Variants in HAPLN2 observed in about 807,000 individuals in gnomAD.
HAPLN2 encodes brain link protein-1.
Under a neutral mutation model 29.3 loss-of-function variants are expected in HAPLN2, and 27 were observed. The observed-to-expected ratio is 0.92, with a 90% CI of 0.68 to 1.27. HAPLN2 has a LOEUF of 1.27. Among genes scored for constraint, HAPLN2 ranks in the 50% most tolerant of loss-of-function variants. The pLI is 0.00. For missense variants in HAPLN2, 454 were observed against 484.3 expected (o/e 0.94, Z 0.59); for synonymous variants, 208 against 211.7 (o/e 0.98, Z 0.15).
chr1:156,610,347 A>T, the HAPLN2 span, among the ~76,000 whole-genome samples: 1 of 152,144 alleles, frequency 6.6e-6, no homozygotes. Flanking sequence ...GTGGAAAAGC[A>T]AAGTAGGAGG....
At chr1:156,605,598 CAAAAA>C in the HAPLN2 span, among the ~76,000 whole-genome samples, 6 of 63,852 alleles carry the variant, frequency 9.4e-5, no homozygotes, top group African/African-American at 4.3e-4. Context: ...GACTTGGTCT[CAAAAA>C]AAAAAAAAAA....
At chr1:156,613,611 C>A in the HAPLN2 span, among the ~76,000 whole-genome samples, 1 of 152,024 alleles carries the variant, frequency 6.6e-6, no homozygotes, top group Admixed American at 6.6e-5. Flanking sequence ...GAGTGTCAAG[C>A]AAACTTATTA....
At chr1:156,606,423 TAAAAAAAAAAAAAA>T in the HAPLN2 span, among the ~76,000 whole-genome samples, 2 of 49,482 alleles carry the variant, frequency 4.0e-5, no homozygotes, top group African/African-American at 7.3e-5. Flanking sequence ...AGACTCTGTC[TAAAAAAAAAAAAAA>T]AAAAAAAAAA....
chr1:156,608,676 G>A, the HAPLN2 span, among the ~76,000 whole-genome samples: 1 of 152,152 alleles, frequency 6.6e-6, no homozygotes, highest in South Asian at 2.1e-4. Flanking sequence ...CCGAGCAGCT[G>A]GGATTATAGG....
chr1:156,624,932 A>G lies in HAPLN2; in HGVS notation c.739+149A>G, dbSNP rs1678398835. On this transcript the variant is annotated intron_variant, in intron 6 of 6. Transcript: ENST00000255039. ...CAGCCCGCCCGCCCGCCCAGGCTCCAGCTCACCTCTCCAAACCCTCCCTGC... is the reference window on the plus strand; with the variant it reads ...CAGCCCGCCCGCCCGCCCAGGCTCCGGCTCACCTCTCCAAACCCTCCCTGC... 2.9e-5 allele frequency: 6 copies of G among 206,782 alleles called. No individual in the cohort carries two copies. The Admixed American group carries it at 2.5e-3, about 85-fold the overall frequency. The allele number at this position is 206,782 out of a possible 1,614,324, so 12.8% of individuals were successfully genotyped here. A position where few individuals can be genotyped will look rare whatever the true frequency, so the allele number is the denominator to read the frequency against.
At position 156,624,736 on chromosome 1, in the gene HAPLN2, G is replaced by C. The variant is rs867961092; in HGVS notation, c.692G>C (p.Arg231Pro). ...ATCCGCAGCTACGGACCCCGCGACC[G>C]GATGCGCGACCGCTACGACGCCTTC... ...PGIRSYGPRD[R>P]MRDRYDAFCF... Residue 231 changes from arginine to proline, a missense_variant, in exon 6 of 7, where the codon CGG (arginine) becomes CCG (proline). By Grantham distance (103) the Arg-to-Pro change is moderately radical. Coordinates refer to ENST00000255039, the MANE Select transcript of HAPLN2 (RefSeq NM_021817.3). 8 of 1,559,346 alleles carry C rather than the reference G, an allele frequency of 5.1e-6. No individual in the cohort carries two copies. In the African/African-American group the frequency reaches 1.1e-4, roughly 21 times the overall value.
upstream of HAPLN2, among the ~76,000 whole-genome samples, chr1:156,618,271 A>T (rs1571413747): frequency 7.1e-6 from 1 of 141,656 alleles, no homozygotes; most frequent in African/African-American, 2.7e-5. Flanking sequence ...GCGCCACTGC[A>T]CTCCAGCCTG....
chr1:156,605,511 A>G, the HAPLN2 span, among the ~76,000 whole-genome samples: 7 of 143,228 alleles, frequency 4.9e-5, no homozygotes, highest in South Asian at 6.8e-4. Context: ...GGGCAGGAGA[A>G]TCTCTTGAAC....
the HAPLN2 span, among the ~76,000 whole-genome samples, chr1:156,607,130 C>T: frequency 6.6e-6 from 1 of 152,174 alleles, no homozygotes; most frequent in South Asian, 2.1e-4. Flanking sequence ...TGACAAGTGT[C>T]ATCGAATAAT....
chr1:156,623,476 G>A lies in HAPLN2; in HGVS notation c.-15G>A. On this transcript the variant is annotated 5_prime_UTR_variant, in exon 3 of 7. Transcript: ENST00000255039. Reference sequence around the variant, plus strand: ...TCTTTGTGCCCTGCAGACGGTGCCGGGCTGACCCCCCATCATGCCAGGCTG... The same window carrying A: ...TCTTTGTGCCCTGCAGACGGTGCCGAGCTGACCCCCCATCATGCCAGGCTG... 6.2e-7 allele frequency: 1 copy of A among 1,613,720 alleles called. No homozygotes were observed. The highest frequency in any genetic ancestry group is 8.5e-7 in the Non-Finnish European group (1 of 1,179,908).
At chr1:156,614,311 G>A in the HAPLN2 span, among the ~76,000 whole-genome samples, 1 of 151,058 alleles carries the variant, frequency 6.6e-6, no homozygotes, top group African/African-American at 2.4e-5. Flanking sequence ...TGCAACCTCC[G>A]TCTCCCTGGT....
intron 2 of HAPLN2, among the ~76,000 whole-genome samples, chr1:156,620,583 G>A (rs1446010015): frequency 3.3e-5 from 5 of 151,968 alleles, no homozygotes; most frequent in Non-Finnish European, 7.4e-5. Context: ...GCTCATGTTC[G>A]CATCCCAGAT....
At chr1:156,603,477 T>C in the HAPLN2 span, among the ~76,000 whole-genome samples, 1 of 151,836 alleles carries the variant, frequency 6.6e-6, no homozygotes, top group Non-Finnish European at 1.5e-5. Context: ...GTGTGTATTA[T>C]ATACAAAATT....
At chr1:156,617,875 A>G (rs1178083764), upstream of HAPLN2, among the ~76,000 whole-genome samples, 1 of 152,104 alleles carries the variant, frequency 6.6e-6, no homozygotes. Context: ...GAAATGTTCT[A>G]TGTCTTGATC....
At chr1:156,624,909 G>GGGGCGC in intron 6 of HAPLN2, 126 bp downstream of exon 6, 1 of 999,514 alleles carries the variant, frequency 1.0e-6, no homozygotes, top group East Asian at 2.9e-5. Context: ...CCCCCCATCA[G>GGGGCGC]CCCGCCCGCC....
At chr1:156,614,236 T>G in the HAPLN2 span, among the ~76,000 whole-genome samples, 1 of 151,978 alleles carries the variant, frequency 6.6e-6, no homozygotes, top group Non-Finnish European at 1.5e-5. Flanking sequence ...CACTTTTTTT[T>G]TTTTTTTGAG....
chr1:156,624,201 G>A (rs1557976862), intron 4 of HAPLN2, 41 bp downstream of exon 4: 2 of 1,571,796 alleles, frequency 1.3e-6, no homozygotes, highest in Admixed American at 1.8e-5. Context: ...GTGTAGCAGC[G>A]GGTCCGCCTC....
At chr1:156,610,538 G>A in the HAPLN2 span, among the ~76,000 whole-genome samples, 3 of 151,998 alleles carry the variant, frequency 2.0e-5, 1 homozygote, top group South Asian at 6.2e-4. Flanking sequence ...TACTCGGGAG[G>A]CTAAGGCAGG....
chr1:156,607,824 T>A, the HAPLN2 span, among the ~76,000 whole-genome samples: 1 of 152,116 alleles, frequency 6.6e-6, no homozygotes, highest in African/African-American at 2.4e-5. Flanking sequence ...ACCCTGAGAC[T>A]GAGGAAAGAG....
Sources: allele counts gnomAD v4.1 joint callset (sites outside exome capture counted in the v4.1 genomes callset), GRCh38; gene constraint gnomAD v4.1.1; transcripts MANE v1.5; gene names NCBI Gene and HGNC (gene_info 2026-07-23, HGNC 2026-07-21).